The following DSCAML1 variants were observed in gnomAD, a reference collection of about 807,000 sequenced individuals.
DSCAML1 encodes the protein cell adhesion molecule DSCAML1.
Under a neutral mutation model 200.5 loss-of-function variants are expected in DSCAML1, and 38 were observed. The observed-to-expected ratio is 0.19, with a 90% CI of 0.15 to 0.25. The LOEUF is 0.25. Ranked by LOEUF, DSCAML1 falls within the 10% of genes least tolerant of loss-of-function variation. The pLI is 1.00. For missense variants in DSCAML1, 2,223 were observed against 2,858.8 expected, an observed-to-expected ratio of 0.78 and a Z score of 5.07; for synonymous variants, 1,215 against 1,165.0, an observed-to-expected ratio of 1.04 and a Z score of -0.87.
intron 3 of DSCAML1, among the ~76,000 whole-genome samples, chr11:117,757,446 A>G (rs1398171976): frequency 6.6e-6 from 1 of 152,180 alleles, no homozygotes; most frequent in East Asian, 1.9e-4. Flanking sequence ...TGACCAGGAC[A>G]CATTCTATGC....
chr11:117,631,229 CCTG>C (rs2052166576), intron 3 of DSCAML1, among the ~76,000 whole-genome samples: 1 of 152,204 alleles, frequency 6.6e-6, no homozygotes, highest in Non-Finnish European at 1.5e-5. Flanking sequence ...CTGGGGGCCT[CCTG>C]CTGCTGCTTA....
At chr11:117,648,663 T>G (rs2052569343) in intron 3 of DSCAML1, among the ~76,000 whole-genome samples, 2 of 152,182 alleles carry the variant, frequency 1.3e-5, no homozygotes, top group South Asian at 4.1e-4. Flanking sequence ...CCCTTGGTTG[T>G]GCAGAGTTGG....
chr11:117,650,700 T>TGTGTGTGTGTGC (rs147584706), intron 3 of DSCAML1, among the ~76,000 whole-genome samples: 4 of 147,352 alleles, frequency 2.7e-5, no homozygotes, highest in African/African-American at 7.5e-5. Context: ...TGTGTGTGTG[T>TGTGTGTGTGTGC]GCGTGTGTGT....
chr11:117,759,373 G>C (rs1027333529), intron 3 of DSCAML1, among the ~76,000 whole-genome samples: 2 of 152,210 alleles, frequency 1.3e-5, no homozygotes, highest in African/African-American at 4.8e-5. Flanking sequence ...GTGCTTTTAA[G>C]AGCTAAAGCA....
chr11:117,510,361 C>A (rs913124187), intron 8 of DSCAML1, among the ~76,000 whole-genome samples: 3 of 152,210 alleles, frequency 2.0e-5, no homozygotes, highest in African/African-American at 7.2e-5. Context: ...CAAGGCACCT[C>A]CTCATCACCA....
At chr11:117,444,371 G>C (rs1417769369) in intron 20 of DSCAML1, among the ~76,000 whole-genome samples, 2 of 152,122 alleles carry the variant, frequency 1.3e-5, no homozygotes, top group African/African-American at 4.8e-5. Flanking sequence ...AGGGAGAATG[G>C]GGGACAGGGG....
chr11:117,435,615 C>T, intron 27 of DSCAML1, 29 bp downstream of exon 27: 1 of 1,569,490 alleles, frequency 6.4e-7, no homozygotes, highest in Non-Finnish European at 8.7e-7. Flanking sequence ...AACACCCCCT[C>T]CTGGAAGGCC....
At chr11:117,639,120 G>A (rs904839554) in intron 3 of DSCAML1, among the ~76,000 whole-genome samples, 6 of 152,128 alleles carry the variant, frequency 3.9e-5, no homozygotes, top group African/African-American at 1.4e-4. Flanking sequence ...AATGAAAAGA[G>A]ATGTTTGCAT....
chr11:117,441,860 G>A (rs79423267), intron 21 of DSCAML1, among the ~76,000 whole-genome samples: 21,821 of 152,132 alleles, frequency 0.14, 1,833 homozygotes, highest in South Asian at 0.33. Flanking sequence ...ATGCGGGGGC[G>A]GTGAGAAGCC....
intron 14 of DSCAML1, among the ~76,000 whole-genome samples, chr11:117,479,286 T>A (rs764559127): frequency 1.3e-5 from 2 of 152,010 alleles, no homozygotes; most frequent in African/African-American, 2.4e-5. Flanking sequence ...ACAAGAGGAG[T>A]TGAGCTGGTG....
intron 16 of DSCAML1, among the ~76,000 whole-genome samples, chr11:117,465,657 C>T (rs1053081158): frequency 2.6e-5 from 4 of 152,144 alleles, no homozygotes; most frequent in Non-Finnish European, 4.4e-5. Context: ...TGCATTAGAA[C>T]GGAAGCACTG....
rs575265075 is a variant in DSCAML1 at position 117,514,646 on chromosome 11, G to T, written c.1783+1821C>A. Among the ~76,000 whole-genome samples the T allele has an allele frequency of 2.3e-5, 3 of 130,010 alleles. No homozygotes were observed. The Admixed American group carries it at 2.8e-4, about 12-fold the overall frequency. 85.3% of individuals were successfully genotyped at this position (130,010 alleles called of 152,430 possible). Reference sequence around the variant, plus strand: ...TGCCTAGGCTGGAGTGCAATGGCACGATCTAAGCTCACTGCAACCTCCACC... The same window carrying T: ...TGCCTAGGCTGGAGTGCAATGGCACTATCTAAGCTCACTGCAACCTCCACC... On this transcript the variant is annotated intron_variant, in intron 8 of 32. Transcript: ENST00000651296.
chr11:117,678,533 G>A (rs2053257657), intron 3 of DSCAML1, among the ~76,000 whole-genome samples: 1 of 152,224 alleles, frequency 6.6e-6, no homozygotes, highest in African/African-American at 2.4e-5. Context: ...CATGGAAGGG[G>A]CGTTGAGCAG....
intron 11 of DSCAML1, among the ~76,000 whole-genome samples, chr11:117,499,337 C>G (rs1287061234): frequency 6.6e-6 from 1 of 152,080 alleles, no homozygotes; most frequent in Non-Finnish European, 1.5e-5. Flanking sequence ...ACTACCCGTG[C>G]TGCTACAGTC....
At chr11:117,466,987 G>C (rs915246684) in intron 16 of DSCAML1, among the ~76,000 whole-genome samples, 1 of 152,184 alleles carries the variant, frequency 6.6e-6, no homozygotes, top group Non-Finnish European at 1.5e-5. Flanking sequence ...TGAAGGCTGA[G>C]GCCCGAATGA....
chr11:117,442,285 GTATGTGTGTA>G (rs2048077331), intron 21 of DSCAML1, among the ~76,000 whole-genome samples: 2 of 150,948 alleles, frequency 1.3e-5, no homozygotes. Flanking sequence ...TGTATAGTGT[GTATGTGTGTA>G]TATGTGTGCA....
intron 3 of DSCAML1, among the ~76,000 whole-genome samples, chr11:117,620,334 T>C (rs2051902828): frequency 6.6e-6 from 1 of 152,154 alleles, no homozygotes; most frequent in Non-Finnish European, 1.5e-5. Flanking sequence ...TACCAGTACC[T>C]GTAAACACTG....
At chr11:117,593,648 T>C (rs898567340) in intron 3 of DSCAML1, among the ~76,000 whole-genome samples, 2 of 151,596 alleles carry the variant, frequency 1.3e-5, no homozygotes, top group African/African-American at 4.8e-5. Context: ...TGTTTCTGCC[T>C]GGCACAGGGA....
chr11:117,601,552 G>C (rs1054363711), intron 3 of DSCAML1, among the ~76,000 whole-genome samples: 2 of 152,156 alleles, frequency 1.3e-5, no homozygotes, highest in Admixed American at 6.5e-5. Flanking sequence ...TCCACTATCC[G>C]TGTTTTATTC....
Sources: allele counts gnomAD v4.1 joint callset (sites outside exome capture counted in the v4.1 genomes callset), GRCh38; gene constraint gnomAD v4.1.1; transcripts MANE v1.5; gene names NCBI Gene and HGNC (gene_info 2026-07-23, HGNC 2026-07-21).